The following PDE4B variants were observed in gnomAD, a reference collection of about 807,000 sequenced individuals.
The protein encoded by PDE4B is 3',5'-cyclic-AMP phosphodiesterase 4B.
In PDE4B, 20 loss-of-function variants were observed where a neutral mutation model predicts 82.2. That is an observed-to-expected ratio of 0.24 (90% CI 0.17 to 0.35). PDE4B has a LOEUF of 0.35. Among genes scored for constraint, PDE4B ranks in the 10% least tolerant of loss-of-function variants. The pLI is 1.00. For missense variants in PDE4B, 655 were observed against 907.2 expected, an observed-to-expected ratio of 0.72 and a Z score of 3.57; for synonymous variants, 320 against 318.9, an observed-to-expected ratio of 1.00 and a Z score of -0.04.
intron 9 of PDE4B, among the ~76,000 whole-genome samples, chr1:66,356,027 G>A (rs1165582382): frequency 2.0e-5 from 3 of 152,218 alleles, no homozygotes; most frequent in Admixed American, 6.5e-5. Context: ...TTGAGCAAAA[G>A]GTTTCCTCTA....
chr1:66,123,085 C>A (rs1001391674), intron 3 of PDE4B, among the ~76,000 whole-genome samples: 3 of 152,054 alleles, frequency 2.0e-5, no homozygotes, highest in Non-Finnish European at 2.9e-5. Context: ...TGCTTCCAGT[C>A]TATCATATTT....
intron 3 of PDE4B, among the ~76,000 whole-genome samples, chr1:66,226,575 G>A (rs921690905): frequency 2.5e-4 from 38 of 152,332 alleles, no homozygotes; most frequent in African/African-American, 8.9e-4. Context: ...GCTAAGCAGA[G>A]CCAACAGCAA....
chr1:66,132,914 A>T (rs1645979636), intron 3 of PDE4B, among the ~76,000 whole-genome samples: 1 of 152,210 alleles, frequency 6.6e-6, no homozygotes, highest in African/African-American at 2.4e-5. Flanking sequence ...GCTTTTTAGG[A>T]CTAGGGGACT....
chr1:66,031,424 G>C (rs1023553191), intron 3 of PDE4B, among the ~76,000 whole-genome samples: 3 of 152,216 alleles, frequency 2.0e-5, no homozygotes, highest in African/African-American at 7.2e-5. Context: ...TGAAAATTTG[G>C]TGCAGTACAA....
At chr1:66,112,216 G>C (rs904461008) in intron 3 of PDE4B, among the ~76,000 whole-genome samples, 8 of 152,024 alleles carry the variant, frequency 5.3e-5, no homozygotes, top group Non-Finnish European at 1.2e-4. Flanking sequence ...AAAAATAAAA[G>C]TACTAATAAA....
intron 3 of PDE4B, among the ~76,000 whole-genome samples, chr1:66,065,826 A>C (rs1200938433): frequency 6.6e-6 from 1 of 151,906 alleles, no homozygotes; most frequent in Non-Finnish European, 1.5e-5. Flanking sequence ...TTAAGAGTAG[A>C]TATCAATGAA....
chr1:66,289,753 G>T (rs918754410), intron 7 of PDE4B, among the ~76,000 whole-genome samples: 1 of 151,970 alleles, frequency 6.6e-6, no homozygotes, highest in African/African-American at 2.4e-5. Flanking sequence ...ATTTCAATGT[G>T]TAATAAATTG....
chr1:66,090,616 A>ATGTGTGTGTGTGTGTGTGTGTGTGTGT (rs200925983), intron 3 of PDE4B, among the ~76,000 whole-genome samples: 1 of 89,942 alleles, frequency 1.1e-5, no homozygotes, highest in African/African-American at 4.6e-5. Context: ...ATATGTATAT[A>ATGTGTGTGTGTGTGTGTGTGTGTGTGT]ATATATGTGT....
At chr1:65,865,709 A>G (rs575437520) in intron 1 of PDE4B, among the ~76,000 whole-genome samples, 7 of 152,180 alleles carry the variant, frequency 4.6e-5, no homozygotes, top group African/African-American at 1.2e-4. Flanking sequence ...CGTGGGCTGC[A>G]CCCATTGCCT....
chr1:65,813,849 T>C (rs556752067), intron 1 of PDE4B, among the ~76,000 whole-genome samples: 1 of 143,176 alleles, frequency 7.0e-6, no homozygotes, highest in Non-Finnish European at 1.5e-5. Context: ...AATTAGAATG[T>C]AGCTTTGAAA....
At chr1:66,223,286 C>G (rs1048964366) in intron 3 of PDE4B, among the ~76,000 whole-genome samples, 3 of 152,122 alleles carry the variant, frequency 2.0e-5, no homozygotes, top group African/African-American at 7.2e-5. Context: ...AGACAGAACA[C>G]CCTCAAGGAG....
At chr1:66,024,464 A>G (rs1018884540) in intron 3 of PDE4B, among the ~76,000 whole-genome samples, 20 of 152,102 alleles carry the variant, frequency 1.3e-4, no homozygotes, top group Non-Finnish European at 4.4e-5. Context: ...CTGTTGACCA[A>G]CACTTAGAAA....
rs1646313730 is a variant in PDE4B at position 65,850,111 on chromosome 1, T to C, written c.-71+56863T>C. Among the ~76,000 whole-genome samples, 3 of 18,398 alleles carry C rather than the reference T, an allele frequency of 1.6e-4. No homozygotes were observed. The East Asian group carries it at 2.4e-3, about 14-fold the overall frequency. The allele number at this position is 18,398 out of a possible 152,430, so 12.1% of individuals were successfully genotyped here. On this transcript the variant is annotated intron_variant, in intron 1 of 16. Coordinates refer to ENST00000341517, the MANE Select transcript of PDE4B (RefSeq NM_002600.4). Reference sequence around the variant, plus strand: ...AACGCTTAGTAGTATTGCCCTGCACTTTTTTTTTTTTTTTTTTTTTTGAGA... The same window carrying C: ...AACGCTTAGTAGTATTGCCCTGCACCTTTTTTTTTTTTTTTTTTTTTGAGA...
At chr1:65,839,488 C>T (rs1211772438) in intron 1 of PDE4B, among the ~76,000 whole-genome samples, 1 of 152,092 alleles carries the variant, frequency 6.6e-6, no homozygotes, top group Non-Finnish European at 1.5e-5. Flanking sequence ...TCTCATTGTT[C>T]AACTCCCACT....
intron 1 of PDE4B, among the ~76,000 whole-genome samples, chr1:65,867,571 A>T (rs1354422024): frequency 6.6e-6 from 1 of 152,224 alleles, no homozygotes; most frequent in Non-Finnish European, 1.5e-5. Context: ...CTGAGCTAAG[A>T]CTTCCAGCCT....
At chr1:65,826,802 C>T (rs1205354543) in intron 1 of PDE4B, among the ~76,000 whole-genome samples, 1 of 152,180 alleles carries the variant, frequency 6.6e-6, no homozygotes, top group Non-Finnish European at 1.5e-5. Flanking sequence ...ATTACACCCC[C>T]TATTGTGACC....
At chr1:66,372,174 G>C (rs2050809192) in intron 16 of PDE4B, 139 bp from the exon 17 acceptor site, 1 of 835,782 alleles carries the variant, frequency 1.2e-6, no homozygotes. Context: ...ACTGTATTGT[G>C]AGTGCCCAAA....
At chr1:65,998,108 A>G (rs1651652116) in intron 3 of PDE4B, among the ~76,000 whole-genome samples, 1 of 152,204 alleles carries the variant, frequency 6.6e-6, no homozygotes, top group South Asian at 2.1e-4. Context: ...TATTAATTAT[A>G]AATGTATTTA....
intron 1 of PDE4B, among the ~76,000 whole-genome samples, chr1:65,888,713 C>T (rs1050183381): frequency 2.6e-5 from 4 of 151,964 alleles, no homozygotes; most frequent in Admixed American, 6.6e-5. Flanking sequence ...TTAGCTGTTA[C>T]AACTTGTGTT....
Sources: gnomAD v4.1 joint callset for allele counts (sites outside exome capture counted in the v4.1 genomes callset) on GRCh38, gnomAD v4.1.1 for gene constraint, MANE v1.5 for transcripts, NCBI Gene and HGNC (gene_info 2026-07-23, HGNC 2026-07-21) for gene names.